HOMER1: variants seen among roughly 807,000 people sequenced by gnomAD.
The protein encoded by HOMER1 is homer scaffold protein 1, also known as homer protein homolog 1.
HOMER1 carries 3 observed loss-of-function variants against 48.9 expected under a neutral mutation model. The ratio of observed to expected loss-of-function variants is 0.06; its 90% confidence interval spans 0.03 to 0.16. The LOEUF is 0.16. HOMER1 is among the 10% of genes least tolerant of loss of function. HOMER1 has a pLI of 1.00. For synonymous variants in HOMER1, 134 were observed against 146.4 expected, an observed-to-expected ratio of 0.92 and a Z score of 0.61; for missense variants, 247 against 411.4, an observed-to-expected ratio of 0.60 and a Z score of 3.46.
Position 79,502,889 on chromosome 5 carries a change from C to A in HOMER1, c.5+9881G>T, listed in dbSNP as rs1752635818. ...CACTGCAAGCTCCGCCTCCAGGGTT[C>A]ACGCCATTCTCCTGCCTCAGCCTCC... On this transcript the variant is annotated intron_variant, in intron 1 of 8. Coordinates refer to ENST00000334082, the MANE Select transcript of HOMER1 (RefSeq NM_004272.5). Among the ~76,000 whole-genome samples the A allele has an allele frequency of 2.0e-5, 3 of 152,302 alleles. No homozygotes were observed. The South Asian group carries it at 6.2e-4, about 32-fold the overall frequency.
chr5:79,376,070 C>A lies in HOMER1; in HGVS notation c.1004G>T (p.Gly335Val). The change falls in exon 9 of 9, where the codon GGA becomes GTA. Residue 335 changes from glycine (G) to valine (V), a missense_variant. Physicochemically the swap from Gly to Val is moderately radical, Grantham distance 109 (BLOSUM62 -3). Around this residue, in one of 4 missense-constraint regions of HOMER1, gnomAD observed 113 missense variants for 152.5 expected, o/e 0.74. Coordinates refer to ENST00000334082, the MANE Select transcript of HOMER1 (RefSeq NM_004272.5). ...NLKTLLEILD[G>V]KIFELTELRD... ...TAATTCTGTTAGTTCAAATATCTTT[C>A]CATCCAGAATTTCTAAGAGTGTCTT... The A allele has an allele frequency of 6.2e-7, 1 of 1,613,376 alleles. No individual in the cohort carries two copies. The highest frequency in any genetic ancestry group is 8.5e-7 in the Non-Finnish European group (1 of 1,179,618).
At chr5:79,430,526 T>A (rs114684528) in intron 5 of HOMER1, among the ~76,000 whole-genome samples, 1 of 152,168 alleles carries the variant, frequency 6.6e-6, no homozygotes, top group East Asian at 1.9e-4. Context: ...CTCAAGAGAA[T>A]TGAAAACATA....
At chr5:79,406,513 T>C (rs866177756) in intron 5 of HOMER1, among the ~76,000 whole-genome samples, 11 of 152,168 alleles carry the variant, frequency 7.2e-5, no homozygotes, top group South Asian at 2.1e-4. Flanking sequence ...AGGAGAAAGA[T>C]TGGAGAGGCA....
intron 5 of HOMER1, among the ~76,000 whole-genome samples, chr5:79,418,931 A>G (rs138367813): frequency 1.3e-3 from 191 of 152,342 alleles, no homozygotes; most frequent in African/African-American, 4.2e-3. Context: ...CTAGTTTAGA[A>G]TATGCTGTAA....
intron 1 of HOMER1, among the ~76,000 whole-genome samples, chr5:79,501,870 T>C (rs1752601914): frequency 6.6e-6 from 1 of 152,170 alleles, no homozygotes; most frequent in Admixed American, 6.5e-5. Flanking sequence ...ACAAGAGAAA[T>C]ACTCCTTACA....
intron 6 of HOMER1, among the ~76,000 whole-genome samples, chr5:79,398,862 C>T (rs1237021326): frequency 6.6e-6 from 1 of 152,140 alleles, no homozygotes; most frequent in East Asian, 1.9e-4. Context: ...ACTAGAATGT[C>T]CTCTCTTGCC....
At chr5:79,502,885 G>T (rs1293969259) in intron 1 of HOMER1, among the ~76,000 whole-genome samples, 1 of 152,152 alleles carries the variant, frequency 6.6e-6, no homozygotes, top group African/African-American at 2.4e-5. Flanking sequence ...CCGCCTCCAG[G>T]GTTCACGCCA....
At chr5:79,457,069 A>C (rs376516763) in intron 1 of HOMER1, 51 bp from the exon 2 acceptor site, 1 of 1,547,648 alleles carries the variant, frequency 6.5e-7, no homozygotes, top group African/African-American at 1.4e-5. Flanking sequence ...GTTTTATTTC[A>C]CTAGACAAGA....
chr5:79,429,793 G>T (rs1447910693), intron 5 of HOMER1, among the ~76,000 whole-genome samples: 1 of 152,222 alleles, frequency 6.6e-6, no homozygotes, highest in Non-Finnish European at 1.5e-5. Context: ...GGAGGAAGAG[G>T]CAGGTGGATC....
intron 1 of HOMER1, among the ~76,000 whole-genome samples, chr5:79,476,894 A>G (rs1238294542): frequency 6.6e-6 from 1 of 152,202 alleles, no homozygotes; most frequent in African/African-American, 2.4e-5. Flanking sequence ...AAAAAACCCA[A>G]CGAGGCCTGT....
intron 1 of HOMER1, among the ~76,000 whole-genome samples, chr5:79,508,156 TCTTA>T (rs1274477024): frequency 1.3e-5 from 2 of 152,226 alleles, no homozygotes; most frequent in African/African-American, 4.8e-5. Context: ...CTGATCATGT[TCTTA>T]CTCTGCTTAA....
At chr5:79,412,063 G>T (rs1394511123) in intron 5 of HOMER1, among the ~76,000 whole-genome samples, 1 of 152,206 alleles carries the variant, frequency 6.6e-6, no homozygotes, top group Non-Finnish European at 1.5e-5. Context: ...AGGTTGCAGT[G>T]AGTGGAGATC....
At chr5:79,449,879 G>T (rs1750985639) in intron 3 of HOMER1, among the ~76,000 whole-genome samples, 1 of 151,962 alleles carries the variant, frequency 6.6e-6, no homozygotes, top group African/African-American at 2.4e-5. Flanking sequence ...ATATCCAAAA[G>T]ATAACAAAAA....
intron 1 of HOMER1, among the ~76,000 whole-genome samples, chr5:79,500,905 G>A (rs566354191): frequency 1.6e-4 from 23 of 148,094 alleles, no homozygotes; most frequent in African/African-American, 4.5e-4. Flanking sequence ...GATTATAGGC[G>A]TGAGCCACTG....
chr5:79,506,787 T>C (rs907982874), intron 1 of HOMER1, among the ~76,000 whole-genome samples: 2 of 152,030 alleles, frequency 1.3e-5, no homozygotes, highest in South Asian at 4.2e-4. Flanking sequence ...CAGTAAGCCA[T>C]GATGGCACCA....
chr5:79,430,810 GC>G (rs1341757873), intron 5 of HOMER1, among the ~76,000 whole-genome samples: 2 of 150,514 alleles, frequency 1.3e-5, no homozygotes, highest in Admixed American at 6.7e-5. Context: ...GGTGGCGCAC[GC>G]CTGTAGTCCC....
intron 1 of HOMER1, among the ~76,000 whole-genome samples, chr5:79,507,638 C>A (rs1752815878): frequency 6.6e-6 from 1 of 151,952 alleles, no homozygotes. Flanking sequence ...ACTCTTCTGT[C>A]CAGTTAGTCA....
rs765495431 is a variant in HOMER1 at position 79,397,637 on chromosome 5, C to A, written c.685G>T (p.Val229Leu). Residue 229 changes from valine to leucine, a missense_variant and splice_region_variant, in exon 7 of 9, where the codon GTG becomes TTG. By Grantham distance (32) the Val-to-Leu change is conservative. Coordinates refer to ENST00000334082, the MANE Select transcript of HOMER1 (RefSeq NM_004272.5). ...CTACTAACACATTCAAGTTCAGTCACCTAAAATTAAATGAGAACACAGATT... is the reference window on the plus strand; with the variant it reads ...CTACTAACACATTCAAGTTCAGTCAACTAAAATTAAATGAGAACACAGATT... Reference protein sequence around the residue: ...QEEAERLHKRVTELECVSSQA... With the variant: ...QEEAERLHKRLTELECVSSQA... 6.4e-7 allele frequency: 1 copy of A among 1,571,102 alleles called. No individual in the cohort carries two copies. The highest frequency in any genetic ancestry group is 8.7e-7 in the Non-Finnish European group (1 of 1,149,688).
At chr5:79,397,026 A>G (rs1749403964) in intron 7 of HOMER1, 123 bp from the exon 8 acceptor site, 3 of 594,856 alleles carry the variant, frequency 5.0e-6, no homozygotes, top group Admixed American at 3.2e-5. Context: ...ATTCCTTCAT[A>G]TTGACTTTTA....
Sources: allele counts gnomAD v4.1 joint callset (sites outside exome capture counted in the v4.1 genomes callset), GRCh38; gene constraint gnomAD v4.1.1; regional missense constraint gnomAD v4.1.1; transcripts MANE v1.5; gene names NCBI Gene and HGNC (gene_info 2026-07-23, HGNC 2026-07-21).